Variants in GPR89B observed in about 807,000 individuals in gnomAD.
The protein encoded by GPR89B is golgi pH regulator B, also known as G protein-coupled receptor 89B.
A neutral mutation model predicts 52.4 loss-of-function variants in GPR89B; 25 were observed. The observed-to-expected ratio is 0.48, with a 90% confidence interval of 0.35 to 0.67. GPR89B has a LOEUF of 0.67. Among genes scored for constraint, GPR89B ranks in the 30% least tolerant of loss-of-function variants. The pLI is 0.01. For synonymous variants in GPR89B, 52 were observed against 151.2 expected (o/e 0.34, Z 4.81); for missense variants, 146 against 450.2 (o/e 0.32, Z 6.11).
the GPR89B span, chr1:148,010,394 G>A: frequency 6.6e-6 from 1 of 152,212 alleles, no homozygotes. Flanking sequence ...CATGCCTCCT[G>A]GAGTGGCCAA....
At chr1:148,019,671 A>G in the GPR89B span, among the ~76,000 whole-genome samples, 353 of 152,226 alleles carry the variant, frequency 2.3e-3, 7 homozygotes, top group African/African-American at 7.7e-3. Context: ...CGCTCATTAG[A>G]AACAAAAGAA....
the GPR89B span, among the ~76,000 whole-genome samples, chr1:148,019,387 T>A: frequency 1.3e-5 from 2 of 150,356 alleles, no homozygotes; most frequent in African/African-American, 4.9e-5. Context: ...TAAATGGGGT[T>A]AGGGGGCAAG....
the GPR89B span, among the ~76,000 whole-genome samples, chr1:147,999,266 T>G: frequency 3.9e-5 from 6 of 151,956 alleles, no homozygotes; most frequent in East Asian, 1.9e-4. Flanking sequence ...CCAAAAGCTA[T>G]CTCCCTATGG....
At chr1:147,965,677 G>A (rs1656977443) in intron 7 of GPR89B, among the ~76,000 whole-genome samples, 1 of 151,976 alleles carries the variant, frequency 6.6e-6, no homozygotes. Flanking sequence ...AGAAGGTGAG[G>A]GTATTGGACT....
At chr1:148,025,550 A>G in the GPR89B span, among the ~76,000 whole-genome samples, 1 of 148,220 alleles carries the variant, frequency 6.7e-6, no homozygotes, top group Non-Finnish European at 1.5e-5. Flanking sequence ...AAAAAAAAAA[A>G]AGAATCTTAG....
At chr1:147,938,260 T>G (rs1215958721) in intron 2 of GPR89B, among the ~76,000 whole-genome samples, 15 of 152,134 alleles carry the variant, frequency 9.9e-5, no homozygotes, top group African/African-American at 3.4e-4. Context: ...CATTAAACTT[T>G]CCCAGGGAGT....
intron 8 of GPR89B, chr1:147,968,213 A>G (rs1657171518): frequency 2.2e-6 from 1 of 452,866 alleles, no homozygotes; most frequent in Non-Finnish European, 4.4e-6. Context: ...TACCTGATTG[A>G]GTTCTTGGAA....
chr1:147,981,917 G>A (rs1658282999), intron 10 of GPR89B, among the ~76,000 whole-genome samples: 1 of 151,826 alleles, frequency 6.6e-6, no homozygotes, highest in African/African-American at 2.4e-5. Context: ...CTCCCAAAGT[G>A]CTGGGATTAT....
chr1:147,985,951 G>A (rs1658634099), intron 10 of GPR89B, among the ~76,000 whole-genome samples: 2 of 152,176 alleles, frequency 1.3e-5, no homozygotes, highest in South Asian at 4.1e-4. Context: ...AAGGCATAAT[G>A]CCGTAGCTTT....
At chr1:147,977,337 T>G (rs1231324950) in intron 10 of GPR89B, among the ~76,000 whole-genome samples, 1 of 151,340 alleles carries the variant, frequency 6.6e-6, no homozygotes, top group African/African-American at 2.4e-5. Context: ...GTTAGTCTGA[T>G]GGACTTCCCT....
the GPR89B span, chr1:148,009,246 A>C: frequency 6.9e-7 from 1 of 1,458,846 alleles, no homozygotes; most frequent in South Asian, 1.3e-5. Context: ...CTGAAAAGTC[A>C]GTCGAAGAAA....
intron 2 of GPR89B, 46 bp from the exon 3 acceptor site, chr1:147,938,668 T>G (rs2149039067): frequency 6.2e-7 from 1 of 1,603,730 alleles, no homozygotes; most frequent in Non-Finnish European, 8.5e-7. Context: ...TCAGTTCAGT[T>G]TTTAAACAAG....
At chr1:148,009,569 A>T in the GPR89B span, 1 of 1,526,222 alleles carries the variant, frequency 6.6e-7, no homozygotes, top group Admixed American at 1.7e-5. Context: ...CTGAATTCCC[A>T]CTCTTTCTGA....
intron 7 of GPR89B, among the ~76,000 whole-genome samples, chr1:147,955,540 C>A (rs1656054037): frequency 2.0e-5 from 3 of 152,014 alleles, no homozygotes; most frequent in African/African-American, 7.3e-5. Context: ...AATAGGGTTT[C>A]CTTTTCTCAG....
the GPR89B span, among the ~76,000 whole-genome samples, chr1:148,003,105 A>G: frequency 4.6e-5 from 7 of 152,212 alleles, no homozygotes; most frequent in African/African-American, 1.7e-4. Flanking sequence ...TTCATATGAT[A>G]TTCTTTCTCC....
rs1434670033 is a variant in GPR89B, at chr1:147,965,898, G to A, written c.618-656G>A. On this transcript the variant is annotated intron_variant, in intron 7 of 13. Coordinates refer to ENST00000314163, the MANE Select transcript of GPR89B (RefSeq NM_016334.5). The stretch of plus-strand genomic sequence containing the variant: ...GTCTCACTCTGTCACCTGGGCTGGC[G>A]TGCAGTGGCGTGATCTCAGCTCACT... Among the ~76,000 whole-genome samples the A allele has an allele frequency of 2.1e-3, 321 of 151,836 alleles. 6 individuals carry two copies. Among genetic ancestry groups the A allele is most frequent in the Non-Finnish European group, 5.4e-4 (37 of 68,002 alleles).
rs773563603 is a variant in GPR89B, at chr1:147,928,420, G to T, written c.-117G>T. On this transcript the variant is annotated 5_prime_UTR_variant, in exon 1 of 14. Transcript: ENST00000314163. Reference sequence around the variant, plus strand: ...CTTGACGGCGTCGGGCTGGAGAGCCGCAGTCCCGGCTGCAGCACCTGGGAG... The same window carrying T: ...CTTGACGGCGTCGGGCTGGAGAGCCTCAGTCCCGGCTGCAGCACCTGGGAG... 408 of 1,222,172 alleles carry T rather than the reference G, an allele frequency of 3.3e-4. No homozygotes were observed. The highest frequency in any genetic ancestry group is 4.4e-4 in the Admixed American group (21 of 48,000). 75.7% of individuals were successfully genotyped at this position (1,222,172 alleles called of 1,614,324 possible).
intron 10 of GPR89B, among the ~76,000 whole-genome samples, chr1:147,984,254 C>T (rs1292710477): frequency 1.8e-4 from 27 of 151,508 alleles, no homozygotes; most frequent in Non-Finnish European, 3.5e-4. Flanking sequence ...GTGCAGCACA[C>T]CAGCATGTCA....
In GPR89B at chr1:147,971,182, C is replaced by T. The variant is rs1376165411; in HGVS notation, c.909+1223C>T. Among the ~76,000 whole-genome samples the T allele has an allele frequency of 6.6e-5, 10 of 150,842 alleles. No individual in the cohort carries two copies. In the South Asian group the frequency reaches 8.3e-4, roughly 13 times the overall value. ...CTTTTTTTTTTTAGATGGAGTCTCA[C>T]TCTGTCACCCAAGCTGTAGTGCAGT... On this transcript the variant is annotated intron_variant, in intron 10 of 13. Transcript: ENST00000314163.
Sources: gnomAD v4.1 joint callset for allele counts (sites outside exome capture counted in the v4.1 genomes callset) on GRCh38, gnomAD v4.1.1 for gene constraint, MANE v1.5 for transcripts, NCBI Gene and HGNC (gene_info 2026-07-23, HGNC 2026-07-21) for gene names.